The following TANC2 variants were observed in gnomAD, a reference collection of about 807,000 sequenced individuals.
TANC2 encodes the protein tetratricopeptide repeat, ankyrin repeat and coiled-coil containing 2.
TANC2 carries 26 observed loss-of-function variants against 210.5 expected under a neutral mutation model. That is an observed-to-expected ratio of 0.12 (90% CI 0.09 to 0.17). The LOEUF (loss-of-function observed/expected upper bound fraction) is 0.17, where lower values mean the gene tolerates loss of function less well. Among genes scored for constraint, TANC2 ranks in the 10% least tolerant of loss-of-function variants. TANC2 has a pLI of 1.00. For missense variants in TANC2, 2,129 were observed against 2,608.9 expected (o/e 0.82, Z 4.01); for synonymous variants, 931 against 967.1 (o/e 0.96, Z 0.69).
rs1340373687 is a variant in TANC2, at chr17:63,220,713, A to T, written c.770-17101A>T. On this transcript the variant is annotated intron_variant, in intron 7 of 27. Transcript: ENST00000689528. Reference sequence around the variant, plus strand: ...AGCAAGAATCAGTCTCAAAAAAAAAAAAAAAAATATATATATATATATATG... The same window carrying T: ...AGCAAGAATCAGTCTCAAAAAAAAATAAAAAAATATATATATATATATATG... 2.0e-3 allele frequency among the ~76,000 whole-genome samples: 280 copies of T among 140,538 alleles called. 2 individuals are homozygous for T. The highest frequency in any genetic ancestry group is 5.3e-3 in the South Asian group (24 of 4,524). The allele number at this position is 140,538 out of a possible 152,430, so 92.2% of individuals were successfully genotyped here.
chr17:63,352,565 CT>C (rs1461872332), intron 13 of TANC2, among the ~76,000 whole-genome samples: 2 of 152,138 alleles, frequency 1.3e-5, no homozygotes, highest in Non-Finnish European at 2.9e-5. Flanking sequence ...TCTCTGACTG[CT>C]TTACCAAATG....
chr17:63,406,041 C>T lies in TANC2; in HGVS notation c.3466-113C>T, dbSNP rs575484777. ...TACTTATGGGGGAAGTGGAAAGATA[C>T]ATGGGTGACTCGTACAGCAGTAGGA... is the stretch of plus-strand genomic sequence containing the variant. On this transcript the variant is annotated intron_variant, in intron 20 of 27. Transcript: ENST00000689528. The T allele has an allele frequency of 5.1e-5, 70 of 1,367,060 alleles. No homozygotes were observed. The African/African-American group carries it at 8.0e-4, about 16-fold the overall frequency. 84.7% of individuals were successfully genotyped at this position (1,367,060 alleles called of 1,614,324 possible). A position where few individuals can be genotyped will look rare whatever the true frequency, so the allele number is the denominator to read the frequency against.
intron 9 of TANC2, among the ~76,000 whole-genome samples, chr17:63,300,759 T>A (rs531047333): frequency 6.8e-4 from 103 of 152,318 alleles, no homozygotes; most frequent in African/African-American, 2.4e-3. Context: ...CCTATGTGAA[T>A]ACACTTTATT....
In TANC2 at chr17:63,016,426, T is replaced by A. The variant is rs142045299; in HGVS notation, c.67+6800T>A. On this transcript the variant is annotated intron_variant, in intron 2 of 27. Transcript: ENST00000689528. ...CCTGTCTCTACAAAAAAAATTTTTTTATGGCTGAATAATATTCTGTTGTGC... is the reference window on the plus strand; with the variant it reads ...CCTGTCTCTACAAAAAAAATTTTTTAATGGCTGAATAATATTCTGTTGTGC... 2.0e-5 allele frequency among the ~76,000 whole-genome samples: 3 copies of A among 152,294 alleles called. No homozygotes were observed. The East Asian group carries it at 5.8e-4, about 29-fold the overall frequency.
chr17:63,021,345 G>T (rs906224910), intron 2 of TANC2, among the ~76,000 whole-genome samples: 2 of 152,216 alleles, frequency 1.3e-5, no homozygotes, highest in African/African-American at 4.8e-5. Context: ...TTGGGAGGTA[G>T]TACCTTTAAG....
At chr17:63,177,350 G>T (rs1302142099) in intron 5 of TANC2, among the ~76,000 whole-genome samples, 1 of 150,630 alleles carries the variant, frequency 6.6e-6, no homozygotes, top group Non-Finnish European at 1.5e-5. Context: ...TATAGTTTTA[G>T]AAAGAGAAGA....
intron 15 of TANC2, chr17:63,381,282 A>C (rs2047600369): frequency 6.6e-6 from 1 of 152,210 alleles, no homozygotes; most frequent in Admixed American, 6.5e-5. Flanking sequence ...TGCAGACAGC[A>C]TGGTTGCCTG....
intron 8 of TANC2, among the ~76,000 whole-genome samples, chr17:63,266,274 G>A (rs774652515): frequency 6.6e-6 from 1 of 152,020 alleles, no homozygotes; most frequent in Non-Finnish European, 1.5e-5. Context: ...ACATTCTTTA[G>A]TAAAATGTTT....
At chr17:63,267,804 C>A in exon 9 of TANC2, 1 of 1,613,142 alleles carries the variant, frequency 6.2e-7, no homozygotes, top group Non-Finnish European at 8.5e-7. Context: ...GAGACATACA[C>A]CTTTGAGAAC....
chr17:63,272,475 T>C (rs931867226), intron 9 of TANC2, among the ~76,000 whole-genome samples: 1 of 152,188 alleles, frequency 6.6e-6, no homozygotes, highest in Non-Finnish European at 1.5e-5. Flanking sequence ...AAAATAATTT[T>C]TTCTGGTTTT....
intron 4 of TANC2, among the ~76,000 whole-genome samples, chr17:63,136,304 A>G (rs749128896): frequency 4.6e-5 from 7 of 152,174 alleles, no homozygotes; most frequent in African/African-American, 1.2e-4. Context: ...CTGTATATCA[A>G]TGTGTCTGGT....
exon 25 of TANC2, chr17:63,413,565 C>A: frequency 6.3e-7 from 1 of 1,599,498 alleles, no homozygotes; most frequent in Admixed American, 1.7e-5. Flanking sequence ...GGGCGATGGC[C>A]ACCTCCAAGC....
intron 6 of TANC2, among the ~76,000 whole-genome samples, chr17:63,199,165 A>G (rs1297830511): frequency 6.6e-6 from 1 of 152,246 alleles, no homozygotes; most frequent in Admixed American, 6.5e-5. Context: ...CTAGTTATCA[A>G]CACATTCTCC....
chr17:63,255,143 C>G (rs2043157438), intron 8 of TANC2, among the ~76,000 whole-genome samples: 1 of 151,676 alleles, frequency 6.6e-6, no homozygotes, highest in African/African-American at 2.4e-5. Context: ...CTCACTCTGT[C>G]CCCCAGGCTG....
At chr17:63,304,362 G>A (rs1453335138) in intron 9 of TANC2, among the ~76,000 whole-genome samples, 1 of 152,102 alleles carries the variant, frequency 6.6e-6, no homozygotes, top group African/African-American at 2.4e-5. Flanking sequence ...CAGTTTGCTG[G>A]GGGTTCACTT....
At chr17:63,006,730 T>C (rs368379806) in intron 1 of TANC2, among the ~76,000 whole-genome samples, 2 of 152,206 alleles carry the variant, frequency 1.3e-5, no homozygotes, top group African/African-American at 4.8e-5. Flanking sequence ...AGAAATTTGC[T>C]TATATATATT....
At chr17:63,156,816 C>T (rs2039856843) in intron 5 of TANC2, among the ~76,000 whole-genome samples, 1 of 152,036 alleles carries the variant, frequency 6.6e-6, no homozygotes, top group Non-Finnish European at 1.5e-5. Flanking sequence ...GCCTCAGCCC[C>T]CTGAGTAGCT....
intron 5 of TANC2, among the ~76,000 whole-genome samples, chr17:63,184,739 C>T (rs1406847920): frequency 2.0e-5 from 3 of 151,658 alleles, no homozygotes; most frequent in African/African-American, 4.8e-5. Context: ...CTGCAACCTC[C>T]GCCTCCCAGG....
At chr17:63,118,940 G>A (rs1251256196) in intron 4 of TANC2, among the ~76,000 whole-genome samples, 3 of 151,612 alleles carry the variant, frequency 2.0e-5, no homozygotes, top group Non-Finnish European at 4.4e-5. Flanking sequence ...CCACCACCAC[G>A]CCCGGCTAAT....
Sources: gnomAD v4.1 joint callset for allele counts (sites outside exome capture counted in the v4.1 genomes callset) on GRCh38, gnomAD v4.1.1 for gene constraint, MANE v1.5 for transcripts, NCBI Gene and HGNC (gene_info 2026-07-23, HGNC 2026-07-21) for gene names.